Variants in CLDN18 observed in about 807,000 individuals in gnomAD.
The protein encoded by CLDN18 is claudin-18.
CLDN18 carries 20 observed loss-of-function variants against 25.0 expected under a neutral mutation model. The observed-to-expected ratio is 0.80, with a 90% CI of 0.56 to 1.16. CLDN18 has a LOEUF of 1.16. Among genes scored for constraint, CLDN18 ranks in the 50% most tolerant of loss-of-function variants. The probability of loss-of-function intolerance (pLI) is 0.00; values close to 1 mark genes in which losing one functional copy is unlikely to be tolerated. For missense variants in CLDN18, 297 were observed against 345.4 expected, an observed-to-expected ratio of 0.86 and a Z score of 1.11; for synonymous variants, 125 against 135.6, an observed-to-expected ratio of 0.92 and a Z score of 0.54.
At position 138,021,880 on chromosome 3, in the gene CLDN18, A is replaced by G. The variant is rs566964276; in HGVS notation, c.221-1778A>G. On this transcript the variant is annotated intron_variant, in intron 1 of 4. Transcript: ENST00000183605. ...AGGTTAGCATGTCTAGACACTGATGAAACCATCTTCCATAAGTTAGAACCA... is the reference window on the plus strand; with the variant it reads ...AGGTTAGCATGTCTAGACACTGATGGAACCATCTTCCATAAGTTAGAACCA... Among the ~76,000 whole-genome samples the G allele has an allele frequency of 9.2e-5, 14 of 152,370 alleles. No individual in the cohort carries two copies. In the South Asian group the frequency reaches 2.7e-3, roughly 29 times the overall value.
intron 1 of CLDN18, chr3:137,999,209 A>G: frequency 1.2e-6 from 1 of 806,690 alleles, no homozygotes; most frequent in Non-Finnish European, 2.0e-6. Flanking sequence ...TTCGTGTTTG[A>G]CAGGGGCAAC....
chr3:138,000,862 C>G (rs1942009039), intron 1 of CLDN18, among the ~76,000 whole-genome samples: 1 of 152,254 alleles, frequency 6.6e-6, no homozygotes, highest in African/African-American at 2.4e-5. Flanking sequence ...TGCCCAAAAC[C>G]TGCCCAGTGG....
intron 4 of CLDN18, among the ~76,000 whole-genome samples, chr3:138,030,463 C>T (rs1942377750): frequency 6.6e-6 from 1 of 152,216 alleles, no homozygotes; most frequent in Admixed American, 6.5e-5. Flanking sequence ...GCCCTGTGAC[C>T]TCCAGCAGGT....
At position 138,028,927 on chromosome 3, in the gene CLDN18, G is replaced by C. The variant is rs146822601; in HGVS notation, c.504-870G>C. Among the ~76,000 whole-genome samples the C allele has an allele frequency of 7.2e-4, 109 of 152,266 alleles. 1 individual carries two copies. Among genetic ancestry groups the C allele is most frequent in the African/African-American group, 2.1e-3 (89 of 41,552 alleles). ...TGTTCGCCCTGTGTCCCAGTACCAG[G>C]GCAGGGCTCTGCACATAGTAGGAGC... On this transcript the variant is annotated intron_variant, in intron 3 of 4. Transcript: ENST00000183605.
intron 1 of CLDN18, among the ~76,000 whole-genome samples, chr3:138,022,878 ATTG>A (rs1942286103): frequency 1.3e-5 from 2 of 152,336 alleles, no homozygotes; most frequent in South Asian, 4.1e-4. Context: ...TCAGTAAACA[ATTG>A]TTGCTATGAG....
exon 1 of CLDN18, chr3:137,998,853 G>A (rs372769842): frequency 2.7e-5 from 43 of 1,613,350 alleles, no homozygotes; most frequent in Non-Finnish European, 3.1e-5. Flanking sequence ...GCTCTGTGTC[G>A]ACACTGTGCG....
chr3:138,012,756 T>C (rs577752736), intron 1 of CLDN18, among the ~76,000 whole-genome samples: 11 of 152,236 alleles, frequency 7.2e-5, no homozygotes, highest in Non-Finnish European at 1.3e-4. Flanking sequence ...AAAACTGGCC[T>C]TGTCGGCACC....
rs1298718440 is a variant in CLDN18 at position 138,010,387 on chromosome 3, G to A, written c.162G>A (p.Val54=). Residue 54 remains valine, a synonymous_variant, in exon 1 of 5, where the codon GTG becomes GTA. Coordinates refer to ENST00000183605, the MANE Select transcript of CLDN18 (RefSeq NM_016369.4). ...ACGAAGGGCTCTGGAGGAGCTGCGT[G>A]AGGCAGAGTTCAGGCTTCACCGAAT... is the stretch of plus-strand genomic sequence containing the variant. ...FQYEGLWRSC[V]RQSSGFTECR... The A allele has an allele frequency of 1.1e-5, 17 of 1,614,216 alleles. No individual in the cohort carries two copies. Among genetic ancestry groups the A allele is most frequent in the Non-Finnish European group, 1.4e-5 (17 of 1,180,028 alleles).
intron 1 of CLDN18, among the ~76,000 whole-genome samples, chr3:138,017,134 G>A (rs1942215955): frequency 6.6e-6 from 1 of 151,800 alleles, no homozygotes; most frequent in South Asian, 2.1e-4. Context: ...AATCATCACT[G>A]CTGTGTCTAC....
intron 1 of CLDN18, among the ~76,000 whole-genome samples, chr3:138,015,784 C>T (rs1190832700): frequency 2.6e-5 from 4 of 152,190 alleles, no homozygotes; most frequent in Non-Finnish European, 5.9e-5. Flanking sequence ...TTAAATTCTT[C>T]CTAAGTGCAA....
chr3:138,012,912 G>T (rs1942158346), intron 1 of CLDN18, among the ~76,000 whole-genome samples: 1 of 152,186 alleles, frequency 6.6e-6, no homozygotes, highest in African/African-American at 2.4e-5. Context: ...AATCAGGACA[G>T]TTTTGCTAAG....
In CLDN18 at chr3:138,031,496, T is replaced by C. The variant is rs1280125437; in HGVS notation, c.*355T>C. 1 of 163,910 alleles carries C rather than the reference T, an allele frequency of 6.1e-6. No homozygotes were observed. The highest frequency in any genetic ancestry group is 1.7e-4 in the East Asian group (1 of 5,816). 10.2% of individuals were successfully genotyped at this position (163,910 alleles called of 1,614,324 possible). On this transcript the variant is annotated 3_prime_UTR_variant, in exon 5 of 5. Transcript: ENST00000183605. ...CTCTTCCTCCTAGTCAATAAACCCA[T>C]TGATGATCTATTTCCCAGCTTATCC...
chr3:138,011,679 A>C (rs548545266), intron 1 of CLDN18, among the ~76,000 whole-genome samples: 1 of 152,270 alleles, frequency 6.6e-6, no homozygotes, highest in South Asian at 2.1e-4. Context: ...CTATCATATA[A>C]AGAAAAAATA....
intron 1 of CLDN18, among the ~76,000 whole-genome samples, chr3:138,018,973 C>G (rs1345544938): frequency 2.0e-5 from 3 of 152,186 alleles, no homozygotes; most frequent in African/African-American, 7.2e-5. Flanking sequence ...CTGGCTGTTT[C>G]AAATCCTCAA....
chr3:138,014,619 CCTAT>C (rs1340869987), intron 1 of CLDN18, among the ~76,000 whole-genome samples: 2 of 152,064 alleles, frequency 1.3e-5, no homozygotes, highest in Non-Finnish European at 2.9e-5. Context: ...CCCAGTTCTG[CCTAT>C]CTGAGTTGAG....
intron 1 of CLDN18, chr3:137,999,197 G>T (rs938333125): frequency 4.0e-6 from 4 of 990,744 alleles, no homozygotes; most frequent in African/African-American, 1.6e-5. Context: ...GAGGAACTGC[G>T]ATTCGTGTTT....
At chr3:138,000,059 G>T (rs1034172844) in intron 1 of CLDN18, among the ~76,000 whole-genome samples, 25 of 152,194 alleles carry the variant, frequency 1.6e-4, no homozygotes, top group Admixed American at 1.6e-3. Flanking sequence ...CCATTTGACT[G>T]CAGGGTCAAG....
intron 1 of CLDN18, chr3:138,004,558 G>A (rs981060630): frequency 6.6e-6 from 1 of 152,016 alleles, no homozygotes; most frequent in African/African-American, 2.4e-5. Context: ...TTTGGCATAA[G>A]GATGGACAAA....
At chr3:138,004,218 G>T (rs964243683) in intron 1 of CLDN18, among the ~76,000 whole-genome samples, 2 of 152,160 alleles carry the variant, frequency 1.3e-5, no homozygotes, top group African/African-American at 4.8e-5. Flanking sequence ...ACTACCCTAT[G>T]AAGTAAGTAG....
Sources: gnomAD v4.1 joint callset for allele counts (sites outside exome capture counted in the v4.1 genomes callset) on GRCh38, gnomAD v4.1.1 for gene constraint, MANE v1.5 for transcripts, NCBI Gene and HGNC (gene_info 2026-07-23, HGNC 2026-07-21) for gene names.